PPARGC1A: variants seen among roughly 807,000 people sequenced by gnomAD.
The protein encoded by PPARGC1A is PPARG coactivator 1 alpha, also known as peroxisome proliferator-activated receptor gamma coactivator 1-alpha.
Under a neutral mutation model 88.7 loss-of-function variants are expected in PPARGC1A, and 25 were observed. The ratio of observed to expected loss-of-function variants is 0.28; its 90% CI spans 0.21 to 0.39. PPARGC1A has a LOEUF of 0.39. Ranked by LOEUF, PPARGC1A falls within the 10% of genes least tolerant of loss-of-function variation. The pLI, the probability that PPARGC1A is intolerant of heterozygous loss-of-function variation, is 1.00. For synonymous variants in PPARGC1A, 363 were observed against 355.6 expected, an observed-to-expected ratio of 1.02 and a Z score of -0.24; for missense variants, 880 against 968.7, an observed-to-expected ratio of 0.91 and a Z score of 1.22.
chr4:24,092,414 T>C, the PPARGC1A span, among the ~76,000 whole-genome samples: 1 of 152,178 alleles, frequency 6.6e-6, no homozygotes, highest in African/African-American at 2.4e-5. Context: ...TCTTATCTAA[T>C]TGGTCTAAAC....
the PPARGC1A span, among the ~76,000 whole-genome samples, chr4:24,275,113 T>C: frequency 1.3e-5 from 2 of 152,242 alleles, no homozygotes. Flanking sequence ...TGGAAAGAAA[T>C]ATTTTAGTTT....
At chr4:24,257,512 T>A in the PPARGC1A span, among the ~76,000 whole-genome samples, 1 of 152,168 alleles carries the variant, frequency 6.6e-6, no homozygotes, top group African/African-American at 2.4e-5. Context: ...ACCAATTCAA[T>A]GGAGAAAATC....
chr4:24,283,503 A>G, the PPARGC1A span, among the ~76,000 whole-genome samples: 2 of 152,230 alleles, frequency 1.3e-5, no homozygotes, highest in African/African-American at 4.8e-5. Flanking sequence ...ACTTTTAAGC[A>G]TTAGTAGTAG....
At chr4:24,408,720 AG>A in the PPARGC1A span, among the ~76,000 whole-genome samples, 1 of 152,222 alleles carries the variant, frequency 6.6e-6, no homozygotes, top group Non-Finnish European at 1.5e-5. Context: ...TCACATCAGT[AG>A]GCCACTCTGG....
At chr4:24,382,816 C>T in the PPARGC1A span, among the ~76,000 whole-genome samples, 2 of 152,218 alleles carry the variant, frequency 1.3e-5, no homozygotes, top group African/African-American at 4.8e-5. Flanking sequence ...GCAGCTTCGG[C>T]AGACTTAAAC....
the PPARGC1A span, among the ~76,000 whole-genome samples, chr4:24,249,621 G>T: frequency 3.7e-4 from 55 of 148,222 alleles, no homozygotes; most frequent in Admixed American, 3.4e-3. Context: ...CCGGGGAATC[G>T]GTTGGGAGGA....
At chr4:23,867,877 G>A (rs1712366196) in intron 2 of PPARGC1A, among the ~76,000 whole-genome samples, 1 of 152,140 alleles carries the variant, frequency 6.6e-6, no homozygotes, top group Non-Finnish European at 1.5e-5. Flanking sequence ...TCGTAAACGA[G>A]GAAACTACAA....
At chr4:24,031,500 A>G in the PPARGC1A span, among the ~76,000 whole-genome samples, 1 of 151,804 alleles carries the variant, frequency 6.6e-6, no homozygotes, top group African/African-American at 2.4e-5. Context: ...TTAACTGTGG[A>G]CCTGAGCATC....
the PPARGC1A span, among the ~76,000 whole-genome samples, chr4:24,283,555 C>T: frequency 0.01 from 1,561 of 152,278 alleles, 34 homozygotes; most frequent in African/African-American, 0.035. Flanking sequence ...GATAGTTCAG[C>T]TTTTCTTTAG....
At chr4:24,393,255 C>T in the PPARGC1A span, among the ~76,000 whole-genome samples, 1 of 152,118 alleles carries the variant, frequency 6.6e-6, no homozygotes, top group African/African-American at 2.4e-5. Context: ...TAGAGATCTG[C>T]AGGAGGAGGG....
the PPARGC1A span, among the ~76,000 whole-genome samples, chr4:23,929,737 T>G: frequency 6.6e-6 from 1 of 152,192 alleles, no homozygotes; most frequent in Non-Finnish European, 1.5e-5. Flanking sequence ...TGTTAACACT[T>G]CAAGTCTGTG....
the PPARGC1A span, among the ~76,000 whole-genome samples, chr4:24,316,756 C>T: frequency 6.6e-6 from 1 of 152,198 alleles, no homozygotes; most frequent in Non-Finnish European, 1.5e-5. Context: ...GAATAAATGA[C>T]ATCGCATATG....
chr4:24,056,222 A>C, the PPARGC1A span, among the ~76,000 whole-genome samples: 2 of 152,166 alleles, frequency 1.3e-5, no homozygotes, highest in East Asian at 3.9e-4. Flanking sequence ...CCTTGGATCT[A>C]AGACAATACT....
chr4:23,824,460 T>C lies in PPARGC1A; in HGVS notation c.803+3A>G, dbSNP rs1723563506. 6.2e-7 allele frequency: 1 copy of C among 1,610,650 alleles called. No individual in the cohort carries two copies. Among genetic ancestry groups the C allele is most frequent in the Non-Finnish European group, 8.5e-7 (1 of 1,177,046 alleles). ...GAAAATGGTTACATTTCTTAATACTTACTTTGGTGACTCTGGGGTCAGAGG... is the reference window on the plus strand; with the variant it reads ...GAAAATGGTTACATTTCTTAATACTCACTTTGGTGACTCTGGGGTCAGAGG... On this transcript the variant is annotated splice_donor_region_variant and intron_variant, in intron 6 of 12. Coordinates refer to ENST00000264867, the MANE Select transcript of PPARGC1A (RefSeq NM_013261.5).
At chr4:24,019,968 G>A in the PPARGC1A span, among the ~76,000 whole-genome samples, 2 of 152,198 alleles carry the variant, frequency 1.3e-5, no homozygotes, top group Non-Finnish European at 2.9e-5. Context: ...TTACTGACCT[G>A]AGCAACTGGC....
chr4:24,087,304 G>A, the PPARGC1A span, among the ~76,000 whole-genome samples: 2 of 152,158 alleles, frequency 1.3e-5, no homozygotes, highest in African/African-American at 4.8e-5. Context: ...ATTTCACTTA[G>A]TTTTGACAAA....
chr4:24,355,149 A>C, the PPARGC1A span, among the ~76,000 whole-genome samples: 31,160 of 152,104 alleles, frequency 0.2, 3,308 homozygotes, highest in South Asian at 0.23. Flanking sequence ...AGAAACAACT[A>C]ACTCAGAATT....
the PPARGC1A span, among the ~76,000 whole-genome samples, chr4:24,215,588 T>C: frequency 6.6e-6 from 1 of 152,180 alleles, no homozygotes; most frequent in Non-Finnish European, 1.5e-5. Flanking sequence ...AACTTTGAAA[T>C]ACTTATTACG....
chr4:24,101,004 G>A, the PPARGC1A span, among the ~76,000 whole-genome samples: 1 of 152,148 alleles, frequency 6.6e-6, no homozygotes, highest in Non-Finnish European at 1.5e-5. Context: ...GGGAGGAGGT[G>A]GTAAGAGTAG....
Sources: gnomAD v4.1 joint callset for allele counts (sites outside exome capture counted in the v4.1 genomes callset) on GRCh38, gnomAD v4.1.1 for gene constraint, MANE v1.5 for transcripts, NCBI Gene and HGNC (gene_info 2026-07-23, HGNC 2026-07-21) for gene names.